CDH13: variants seen among roughly 807,000 people sequenced by gnomAD.
The protein encoded by CDH13 is cadherin-13.
In CDH13, 24 loss-of-function variants were observed where a neutral mutation model predicts 63.8. The ratio of observed to expected loss-of-function variants is 0.38; its 90% CI spans 0.27 to 0.53. CDH13 has a LOEUF of 0.53. CDH13 is among the 20% of genes least tolerant of loss of function. The pLI is 0.85. For synonymous variants in CDH13, 503 were observed against 355.3 expected, an observed-to-expected ratio of 1.42 and a Z score of -4.67; for missense variants, 1,049 against 903.1, an observed-to-expected ratio of 1.16 and a Z score of -2.07.
chr16:82,898,853 G>C (rs2041360207), intron 2 of CDH13, among the ~76,000 whole-genome samples: 2 of 152,206 alleles, frequency 1.3e-5, no homozygotes, highest in African/African-American at 4.8e-5. Flanking sequence ...AACAGAGTCT[G>C]AGCTGCAGTT....
At chr16:82,878,857 G>C (rs1201315568) in intron 2 of CDH13, among the ~76,000 whole-genome samples, 1 of 152,092 alleles carries the variant, frequency 6.6e-6, no homozygotes, top group Non-Finnish European at 1.5e-5. Context: ...TTGAAAGATA[G>C]ATCAGGACTG....
At chr16:82,934,716 C>T (rs376206207) in intron 2 of CDH13, among the ~76,000 whole-genome samples, 1 of 152,210 alleles carries the variant, frequency 6.6e-6, no homozygotes, top group South Asian at 2.1e-4. Context: ...TTAAGTTCCA[C>T]AGATCTCTAG....
intron 6 of CDH13, among the ~76,000 whole-genome samples, chr16:83,359,242 A>T (rs186422744): frequency 6.6e-6 from 1 of 152,302 alleles, no homozygotes; most frequent in Admixed American, 6.5e-5. Flanking sequence ...CACTGTGATT[A>T]TGAGACCTTA....
chr16:83,688,291 T>C (rs1306496792), intron 10 of CDH13, among the ~76,000 whole-genome samples: 2 of 152,164 alleles, frequency 1.3e-5, no homozygotes, highest in Non-Finnish European at 2.9e-5. Context: ...AAAAATCAGC[T>C]CTCTTGAAAA....
intron 7 of CDH13, among the ~76,000 whole-genome samples, chr16:83,495,944 A>G (rs956657351): frequency 7.9e-5 from 12 of 151,916 alleles, no homozygotes; most frequent in Non-Finnish European, 1.6e-4. Context: ...TAGGAATCCA[A>G]CTGACAAGGG....
At chr16:83,049,938 T>G (rs1175635975) in intron 3 of CDH13, among the ~76,000 whole-genome samples, 2 of 152,250 alleles carry the variant, frequency 1.3e-5, no homozygotes, top group Admixed American at 6.5e-5. Context: ...GCAGCTCTAT[T>G]ATCTGGATTT....
chr16:82,803,603 A>G (rs1377372802), intron 1 of CDH13, among the ~76,000 whole-genome samples: 1 of 152,212 alleles, frequency 6.6e-6, no homozygotes, highest in Non-Finnish European at 1.5e-5. Flanking sequence ...AAGAATAATG[A>G]AACTGTGGTA....
At chr16:82,792,974 C>A (rs1035360114) in intron 1 of CDH13, among the ~76,000 whole-genome samples, 1 of 152,350 alleles carries the variant, frequency 6.6e-6, no homozygotes, top group African/African-American at 2.4e-5. Context: ...TTCTTGCTTG[C>A]CCGCCTGGGA....
intron 10 of CDH13, among the ~76,000 whole-genome samples, chr16:83,697,179 G>T (rs980654333): frequency 6.6e-6 from 1 of 152,176 alleles, no homozygotes; most frequent in Non-Finnish European, 1.5e-5. Context: ...CGCTTTCATG[G>T]TTATTCTTGG....
At chr16:83,590,790 C>G (rs1906659332) in intron 7 of CDH13, among the ~76,000 whole-genome samples, 1 of 152,052 alleles carries the variant, frequency 6.6e-6, no homozygotes, top group Non-Finnish European at 1.5e-5. Flanking sequence ...ACATCAGCGT[C>G]TCCAAGAAAC....
At chr16:83,124,475 G>A in intron 3 of CDH13, among the ~76,000 whole-genome samples, 1 of 150,336 alleles carries the variant, frequency 6.7e-6, no homozygotes, top group Non-Finnish European at 1.5e-5. Context: ...TCTGTTGATT[G>A]CTTATTTTGC....
Position 83,575,578 on chromosome 16 carries a change from C to T in CDH13, c.961-26876C>T, listed in dbSNP as rs576443121. On this transcript the variant is annotated intron_variant, in intron 7 of 13. Transcript: ENST00000567109. ...TTTCCATCTTCACCCATGCCCATCC[C>T]AGGGCCTTTGCACATGCTATTCATG... 1.4e-4 allele frequency among the ~76,000 whole-genome samples: 21 copies of T among 152,312 alleles called. No individual in the cohort carries two copies. In the South Asian group the frequency reaches 4.1e-3, roughly 30 times the overall value.
At chr16:83,736,501 AAAGC>A (rs1911549518) in intron 10 of CDH13, among the ~76,000 whole-genome samples, 1 of 152,198 alleles carries the variant, frequency 6.6e-6, no homozygotes, top group South Asian at 2.1e-4. Context: ...AATTTGGTCA[AAAGC>A]AACAACGAAA....
chr16:83,346,747 AT>A (rs944202588), intron 6 of CDH13, among the ~76,000 whole-genome samples: 2 of 152,170 alleles, frequency 1.3e-5, no homozygotes, highest in Non-Finnish European at 2.9e-5. Flanking sequence ...CTTTTTGCAC[AT>A]TGAATTCTTT....
intron 6 of CDH13, among the ~76,000 whole-genome samples, chr16:83,456,872 G>T (rs953786806): frequency 1.3e-5 from 2 of 152,218 alleles, no homozygotes; most frequent in Non-Finnish European, 2.9e-5. Flanking sequence ...TGAGGCAGGA[G>T]AGTCACTTGA....
chr16:83,627,147 G>C (rs970551420), intron 8 of CDH13, among the ~76,000 whole-genome samples: 1 of 149,976 alleles, frequency 6.7e-6, no homozygotes, highest in Non-Finnish European at 1.5e-5. Flanking sequence ...AAAATGAGCT[G>C]AGTGTGGCAG....
intron 6 of CDH13, among the ~76,000 whole-genome samples, chr16:83,414,706 A>G (rs2092175356): frequency 6.6e-6 from 1 of 152,212 alleles, no homozygotes; most frequent in Non-Finnish European, 1.5e-5. Context: ...CACGTCACAT[A>G]ATGTCTTCAA....
chr16:82,857,733 G>A (rs9931111), intron 1 of CDH13, among the ~76,000 whole-genome samples: 80,929 of 151,964 alleles, frequency 0.53, 21,870 homozygotes, highest in East Asian at 0.77. Context: ...GTAAAATATT[G>A]TCATTTCAAC....
At chr16:83,436,386 G>A (rs895278179) in intron 6 of CDH13, among the ~76,000 whole-genome samples, 2 of 152,032 alleles carry the variant, frequency 1.3e-5, no homozygotes, top group African/African-American at 2.4e-5. Flanking sequence ...AGGGAGGATC[G>A]CTTGAGCCTG....
Sources: gnomAD v4.1 joint callset for allele counts (sites outside exome capture counted in the v4.1 genomes callset) on GRCh38, gnomAD v4.1.1 for gene constraint, MANE v1.5 for transcripts, NCBI Gene and HGNC (gene_info 2026-07-23, HGNC 2026-07-21) for gene names.